CACNB2: variants seen among roughly 807,000 people sequenced by gnomAD.
CACNB2 encodes voltage-dependent L-type calcium channel subunit beta-2.
Under a neutral mutation model 73.3 loss-of-function variants are expected in CACNB2, and 42 were observed. That is an observed-to-expected ratio of 0.57 (90% CI 0.45 to 0.74). The LOEUF is 0.74. Ranked by LOEUF, CACNB2 falls within the 30% of genes least tolerant of loss-of-function variation. The pLI, the probability that CACNB2 is intolerant of heterozygous loss-of-function variation, is 0.00. For synonymous variants in CACNB2, 348 were observed against 310.3 expected (o/e 1.12, Z -1.28); for missense variants, 940 against 853.0 (o/e 1.10, Z -1.27).
chr10:18,150,880 T>TTTTTTTG lies in CACNB2; in HGVS notation c.121-3_121-2insTTTTTTG. On this transcript the variant is annotated splice_polypyrimidine_tract_variant and splice_region_variant and intron_variant, in intron 1 of 13. Coordinates refer to ENST00000324631, the MANE Select transcript of CACNB2 (RefSeq NM_201596.3). Reference sequence around the variant, plus strand: ...CTTTTTTTTTTTTTTTTTTTTTTTTTAGTCATATGGAAAAGGAGCCAGAAG... The same window carrying TTTTTTTG: ...CTTTTTTTTTTTTTTTTTTTTTTTTTTTTTTTGAGTCATATGGAAAAGGAGCCAGAAG... 7.7e-7 allele frequency: 1 copy of TTTTTTTG among 1,300,364 alleles called. No homozygotes were observed. The highest frequency in any genetic ancestry group is 1.1e-6 in the Non-Finnish European group (1 of 943,296). The allele number at this position is 1,300,364 out of a possible 1,614,324, so 80.6% of individuals were successfully genotyped here. A position where few individuals can be genotyped will look rare whatever the true frequency, so the allele number is the denominator to read the frequency against.
intron 3 of CACNB2, among the ~76,000 whole-genome samples, chr10:18,412,740 T>C (rs1348455711): frequency 6.6e-6 from 1 of 152,214 alleles, no homozygotes; most frequent in African/African-American, 2.4e-5. Flanking sequence ...TCACCTGAAA[T>C]GTGGAAGTCC....
At chr10:18,248,649 C>T (rs1264849425) in intron 2 of CACNB2, among the ~76,000 whole-genome samples, 3 of 152,220 alleles carry the variant, frequency 2.0e-5, no homozygotes, top group East Asian at 3.8e-4. Flanking sequence ...TGTCTATGAT[C>T]TCATTGGACA....
In CACNB2 at chr10:18,498,247, C is replaced by T. The variant is rs889341987; in HGVS notation, c.334-108C>T. On this transcript the variant is annotated intron_variant, in intron 3 of 13. Coordinates refer to ENST00000324631, the MANE Select transcript of CACNB2 (RefSeq NM_201596.3). Reference sequence around the variant, plus strand: ...ATAAAGAACCAGTGCAGAGGGGAAACCAACAATGATTACAGTAGTTATTCA... The same window carrying T: ...ATAAAGAACCAGTGCAGAGGGGAAATCAACAATGATTACAGTAGTTATTCA... 5 of 1,368,162 alleles carry T rather than the reference C, an allele frequency of 3.7e-6. No individual in the cohort carries two copies. In the Admixed American group the frequency reaches 9.6e-5, roughly 26 times the overall value. The allele number at this position is 1,368,162 out of a possible 1,614,324, so 84.8% of individuals were successfully genotyped here.
At chr10:18,490,746 C>T (rs1417729424) in intron 3 of CACNB2, among the ~76,000 whole-genome samples, 1 of 151,418 alleles carries the variant, frequency 6.6e-6, no homozygotes, top group Non-Finnish European at 1.5e-5. Flanking sequence ...CTACAGGATC[C>T]TACCTAGGGC....
At chr10:18,170,348 A>T (rs2033140837) in intron 2 of CACNB2, among the ~76,000 whole-genome samples, 1 of 152,204 alleles carries the variant, frequency 6.6e-6, no homozygotes, top group Non-Finnish European at 1.5e-5. Flanking sequence ...ATGGCTTAAG[A>T]AAATGCCAGA....
chr10:18,162,987 G>T (rs905412573), intron 2 of CACNB2, among the ~76,000 whole-genome samples: 1 of 152,118 alleles, frequency 6.6e-6, no homozygotes, highest in Admixed American at 6.5e-5. Context: ...CGATGGATGG[G>T]TGCATGGAGT....
At chr10:18,499,853 G>A (rs375798122) in intron 4 of CACNB2, among the ~76,000 whole-genome samples, 38 of 151,002 alleles carry the variant, frequency 2.5e-4, no homozygotes, top group African/African-American at 6.3e-4. Context: ...AGCATACACC[G>A]GTAGTCCTAG....
At chr10:18,312,504 T>A (rs955476013) in intron 2 of CACNB2, among the ~76,000 whole-genome samples, 11 of 152,192 alleles carry the variant, frequency 7.2e-5, no homozygotes, top group Admixed American at 6.5e-4. Flanking sequence ...GCCCAGATGC[T>A]GAATAAATCC....
intron 2 of CACNB2, among the ~76,000 whole-genome samples, chr10:18,156,001 G>A (rs1296920274): frequency 1.3e-5 from 2 of 151,536 alleles, no homozygotes; most frequent in Non-Finnish European, 2.9e-5. Flanking sequence ...ACTCTTTGTA[G>A]TCAATTTCTC....
chr10:18,222,594 G>A (rs1015514322), intron 2 of CACNB2, among the ~76,000 whole-genome samples: 1 of 152,182 alleles, frequency 6.6e-6, no homozygotes, highest in African/African-American at 2.4e-5. Context: ...AGATATTCAT[G>A]GATGACATGC....
chr10:18,191,902 G>A (rs535551787), intron 2 of CACNB2, among the ~76,000 whole-genome samples: 7 of 152,208 alleles, frequency 4.6e-5, no homozygotes, highest in South Asian at 2.1e-4. Context: ...ATAAACATGC[G>A]TGTGCAAGTG....
intron 2 of CACNB2, among the ~76,000 whole-genome samples, chr10:18,211,934 G>A (rs1174211196): frequency 2.0e-5 from 3 of 151,910 alleles, no homozygotes; most frequent in African/African-American, 7.2e-5. Flanking sequence ...TGGTACAAAC[G>A]TGCAGACGTT....
At chr10:18,534,356 T>C in intron 11 of CACNB2, 129 bp downstream of exon 11, 1 of 831,252 alleles carries the variant, frequency 1.2e-6, no homozygotes, top group Admixed American at 2.0e-5. Flanking sequence ...GACATGATAG[T>C]CAAGAATTTT....
intron 3 of CACNB2, among the ~76,000 whole-genome samples, chr10:18,471,294 GA>G (rs1046112006): frequency 2.0e-5 from 3 of 152,092 alleles, no homozygotes; most frequent in African/African-American, 7.2e-5. Context: ...CAACAAGAGT[GA>G]AACTCCATCT....
intron 3 of CACNB2, among the ~76,000 whole-genome samples, chr10:18,410,333 A>T (rs2044548357): frequency 6.6e-6 from 1 of 152,202 alleles, no homozygotes; most frequent in Non-Finnish European, 1.5e-5. Flanking sequence ...TCAGTTGACC[A>T]TGTTTTGTTC....
In CACNB2 at chr10:18,539,347, G is replaced by C. The variant is rs764430256; in HGVS notation, c.1606G>C (p.Ala536Pro). The change falls in exon 14 of 14, where the codon GCC becomes CCC. Residue 536 changes from alanine (A) to proline (P), a missense_variant. Coordinates refer to ENST00000324631, the MANE Select transcript of CACNB2 (RefSeq NM_201596.3). ...KKSQHRSSSS[A>P]PHHNHRSGTS... ...ATCCCAGCACCGCTCTTCCTCCTCA[G>C]CCCCACACCACAACCATCGCAGTGG... 1.2e-6 allele frequency: 2 copies of C among 1,614,060 alleles called. No homozygotes were observed. Among genetic ancestry groups the C allele is most frequent in the Admixed American group, 3.3e-5 (2 of 60,000 alleles).
intron 2 of CACNB2, among the ~76,000 whole-genome samples, chr10:18,353,660 C>T (rs1589120145): frequency 1.3e-5 from 2 of 152,192 alleles, no homozygotes; most frequent in Non-Finnish European, 2.9e-5. Context: ...AGAAAGAATA[C>T]AATATTCCAG....
At chr10:18,229,242 C>A (rs182061614) in intron 2 of CACNB2, among the ~76,000 whole-genome samples, 1 of 152,246 alleles carries the variant, frequency 6.6e-6, no homozygotes, top group Non-Finnish European at 1.5e-5. Flanking sequence ...TGTTGGCAAT[C>A]TGAAGACTAA....
intron 2 of CACNB2, chr10:18,261,190 T>C: frequency 2.6e-6 from 4 of 1,548,988 alleles, no homozygotes; most frequent in South Asian, 1.2e-5. Flanking sequence ...TGGGAAGAAA[T>C]GGACCGAGGC....
Sources: allele counts gnomAD v4.1 joint callset (sites outside exome capture counted in the v4.1 genomes callset), GRCh38; gene constraint gnomAD v4.1.1; transcripts MANE v1.5; gene names NCBI Gene and HGNC (gene_info 2026-07-23, HGNC 2026-07-21).